Variants in C12orf42 observed in about 807,000 individuals in gnomAD.
The protein encoded by C12orf42 is chromosome 12 open reading frame 42, also known as uncharacterized protein C12orf42.
Under a neutral mutation model 21.6 loss-of-function variants are expected in C12orf42, and 25 were observed. The ratio of observed to expected loss-of-function variants is 1.16; its 90% confidence interval spans 0.84 to 1.62. The LOEUF (loss-of-function observed/expected upper bound fraction) is 1.62, where lower values mean the gene tolerates loss of function less well. C12orf42 is among the 40% of genes most tolerant of loss of function. The pLI, the probability that C12orf42 is intolerant of heterozygous loss-of-function variation, is 0.00. For synonymous variants in C12orf42, 174 were observed against 175.0 expected (o/e 0.99, Z 0.05); for missense variants, 483 against 459.3 (o/e 1.05, Z -0.47).
the C12orf42 span, among the ~76,000 whole-genome samples, chr12:103,068,941 A>C: frequency 0.018 from 235 of 13,096 alleles, 5 homozygotes; most frequent in Non-Finnish European, 0.025. Context: ...CCACATATAT[A>C]TATATATATA....
chr12:103,391,717 ATG>A (rs896630547), intron 3 of C12orf42, among the ~76,000 whole-genome samples: 5 of 150,708 alleles, frequency 3.3e-5, no homozygotes, highest in South Asian at 2.1e-4. Flanking sequence ...AGTATATATG[ATG>A]TGTGTGTGTG....
At chr12:103,273,945 T>C (rs953760416) in intron 5 of C12orf42, 1 of 455,876 alleles carries the variant, frequency 2.2e-6, no homozygotes, top group African/African-American at 2.0e-5. Flanking sequence ...TCACAGTAAG[T>C]ACTCAGTGTG....
At chr12:103,277,088 G>C (rs2035816699) in intron 5 of C12orf42, 1 of 453,904 alleles carries the variant, frequency 2.2e-6, no homozygotes, top group Non-Finnish European at 4.4e-6. Context: ...AAGATTGCTG[G>C]ATACAAAATC....
chr12:103,388,741 C>A (rs1388764957), intron 3 of C12orf42, among the ~76,000 whole-genome samples: 1 of 152,202 alleles, frequency 6.6e-6, no homozygotes, highest in East Asian at 1.9e-4. Flanking sequence ...TTATTGTATT[C>A]TCTCTGGCCC....
chr12:103,168,882 C>A, the C12orf42 span, among the ~76,000 whole-genome samples: 1 of 151,958 alleles, frequency 6.6e-6, no homozygotes, highest in African/African-American at 2.4e-5. Flanking sequence ...AAGGTGGAAA[C>A]CATCATTCTC....
intron 3 of C12orf42, among the ~76,000 whole-genome samples, chr12:103,375,255 C>T (rs896988197): frequency 6.6e-6 from 1 of 152,112 alleles, no homozygotes; most frequent in African/African-American, 2.4e-5. Context: ...TTATCCAAGA[C>T]CGATTTGAAT....
the C12orf42 span, among the ~76,000 whole-genome samples, chr12:103,074,077 G>T: frequency 6.6e-6 from 1 of 152,082 alleles, no homozygotes; most frequent in East Asian, 1.9e-4. Context: ...GGAGATAAAT[G>T]GGCTTCTCTA....
At chr12:103,194,668 A>G in the C12orf42 span, among the ~76,000 whole-genome samples, 1 of 152,220 alleles carries the variant, frequency 6.6e-6, no homozygotes, top group African/African-American at 2.4e-5. Context: ...GAAAACAATT[A>G]AAGAAGACAT....
chr12:103,504,905 C>T, the C12orf42 span: 865 of 169,860 alleles, frequency 5.1e-3, 6 homozygotes, highest in Middle Eastern at 0.017. Flanking sequence ...AGACCTGTCA[C>T]GGGAATCCAC....
chr12:103,561,986 A>G, the C12orf42 span, among the ~76,000 whole-genome samples: 1 of 152,238 alleles, frequency 6.6e-6, no homozygotes, highest in Non-Finnish European at 1.5e-5. Flanking sequence ...TGTGGTGGTC[A>G]GAAGTCCAAG....
chr12:103,072,793 T>C, the C12orf42 span, among the ~76,000 whole-genome samples: 4 of 152,230 alleles, frequency 2.6e-5, no homozygotes, highest in Admixed American at 6.5e-5. Flanking sequence ...TTTTTAATAA[T>C]AGTCTTTCTG....
At chr12:103,298,148 A>G (rs1221763725), downstream of C12orf42, among the ~76,000 whole-genome samples, 1 of 151,902 alleles carries the variant, frequency 6.6e-6, no homozygotes, top group Non-Finnish European at 1.5e-5. Context: ...TCAATTAGGA[A>G]AAGAGGAAGT....
chr12:103,169,125 G>A, the C12orf42 span, among the ~76,000 whole-genome samples: 6 of 151,384 alleles, frequency 4.0e-5, no homozygotes, highest in African/African-American at 9.7e-5. Context: ...AAATCTGCAT[G>A]TTCTGCACGG....
intron 2 of C12orf42, among the ~76,000 whole-genome samples, chr12:103,402,955 A>G (rs1803335316): frequency 6.6e-6 from 1 of 152,214 alleles, no homozygotes; most frequent in African/African-American, 2.4e-5. Flanking sequence ...CTGCCTGTCA[A>G]AGACAGGTGG....
intron 3 of C12orf42, among the ~76,000 whole-genome samples, chr12:103,384,163 T>G (rs2046408056): frequency 6.6e-6 from 1 of 152,214 alleles, no homozygotes; most frequent in East Asian, 1.9e-4. Context: ...TTAAAAAAAC[T>G]GTAATAGCAG....
the C12orf42 span, among the ~76,000 whole-genome samples, chr12:103,130,833 A>G: frequency 6.6e-6 from 1 of 152,152 alleles, no homozygotes; most frequent in African/African-American, 2.4e-5. Context: ...TGCTGCTGCA[A>G]TCTCTATAGA....
the C12orf42 span, among the ~76,000 whole-genome samples, chr12:103,190,541 G>A: frequency 2.0e-3 from 299 of 152,278 alleles, 2 homozygotes; most frequent in African/African-American, 7.0e-3. Flanking sequence ...TACAAAGAAT[G>A]CTGAGGATAG....
At chr12:103,165,753 G>A in the C12orf42 span, among the ~76,000 whole-genome samples, 2 of 152,080 alleles carry the variant, frequency 1.3e-5, no homozygotes, top group Non-Finnish European at 2.9e-5. Flanking sequence ...CATAAAGAAT[G>A]AAACCAGGCC....
chr12:103,252,965 CTTGAG>C (rs1442101221), intron 10 of C12orf42, among the ~76,000 whole-genome samples: 1 of 152,052 alleles, frequency 6.6e-6, no homozygotes, highest in Non-Finnish European at 1.5e-5. Flanking sequence ...TTTAATCCAT[CTTGAG>C]TTAATTTTTG....
Sources: gnomAD v4.1 joint callset for allele counts (sites outside exome capture counted in the v4.1 genomes callset) on GRCh38, gnomAD v4.1.1 for gene constraint, MANE v1.5 for transcripts, NCBI Gene and HGNC (gene_info 2026-07-23, HGNC 2026-07-21) for gene names.